The following CATSPERT variants were observed in gnomAD, a reference collection of about 807,000 sequenced individuals.
CATSPERT encodes the protein catsper channel auxiliary subunit tau, also known as cation channel sperm-associated targeting subunit tau.
At chr2:201,579,189 GTAAA>G in the CATSPERT span, among the ~76,000 whole-genome samples, 2 of 151,926 alleles carry the variant, frequency 1.3e-5, no homozygotes, top group African/African-American at 4.8e-5. Context: ...CTAATATTCA[GTAAA>G]TATTTATTAA....
the CATSPERT span, among the ~76,000 whole-genome samples, chr2:201,567,593 G>A: frequency 0.41 from 62,348 of 152,010 alleles, 13,408 homozygotes; most frequent in East Asian, 0.75. Context: ...CAGAAGAGCT[G>A]ATGTTTCAGT....
At chr2:201,510,354 G>T in the CATSPERT span, among the ~76,000 whole-genome samples, 1 of 152,296 alleles carries the variant, frequency 6.6e-6, no homozygotes, top group East Asian at 1.9e-4. Flanking sequence ...TGAGGCACGA[G>T]AATTGCCTGA....
chr2:201,536,007 C>T, the CATSPERT span: 2 of 1,612,450 alleles, frequency 1.2e-6, no homozygotes, highest in African/African-American at 1.3e-5. Flanking sequence ...TATACAGATA[C>T]TCCTCAAATT....
the CATSPERT span, among the ~76,000 whole-genome samples, chr2:201,594,003 G>C: frequency 6.6e-6 from 1 of 151,986 alleles, no homozygotes; most frequent in African/African-American, 2.4e-5. Context: ...TGTTATGTGT[G>C]AATTTGATCC....
the CATSPERT span, chr2:201,550,708 A>G: frequency 6.6e-6 from 1 of 152,062 alleles, no homozygotes; most frequent in Non-Finnish European, 1.5e-5. Flanking sequence ...AAAACAACAA[A>G]CTTGATTTCT....
At chr2:201,501,512 C>A in the CATSPERT span, among the ~76,000 whole-genome samples, 1 of 149,962 alleles carries the variant, frequency 6.7e-6, no homozygotes, top group Non-Finnish European at 1.5e-5. Context: ...CAAACTAAAC[C>A]TAAAGTTAAA....
At chr2:201,618,456 A>G in the CATSPERT span, among the ~76,000 whole-genome samples, 245 of 151,678 alleles carry the variant, frequency 1.6e-3, 1 homozygote, top group African/African-American at 5.5e-3. Context: ...AAACTATCGC[A>G]AGGACAGAAA....
chr2:201,562,584 A>G, the CATSPERT span, among the ~76,000 whole-genome samples: 5 of 148,314 alleles, frequency 3.4e-5, no homozygotes, highest in Admixed American at 3.4e-4. Context: ...GCAGGGTCAT[A>G]GGACAATAGT....
chr2:201,564,624 G>A, the CATSPERT span, among the ~76,000 whole-genome samples: 1 of 152,074 alleles, frequency 6.6e-6, no homozygotes, highest in African/African-American at 2.4e-5. Context: ...GGTCATGAGG[G>A]TAGAGCCCTC....
the CATSPERT span, chr2:201,565,932 G>A: frequency 5.5e-6 from 8 of 1,445,244 alleles, no homozygotes; most frequent in Non-Finnish European, 7.5e-6. Flanking sequence ...TCCAAAATCA[G>A]TGGCAGCTAT....
chr2:201,582,322 G>T, the CATSPERT span: 1 of 1,105,634 alleles, frequency 9.0e-7, no homozygotes. Flanking sequence ...ATATTATTAT[G>T]CAAATACTAT....
chr2:201,590,138 C>T, the CATSPERT span, among the ~76,000 whole-genome samples: 2 of 151,642 alleles, frequency 1.3e-5, no homozygotes, highest in Non-Finnish European at 2.9e-5. Flanking sequence ...CTCCCTCCTC[C>T]CCCCACCCCA....
At chr2:201,586,949 C>T in the CATSPERT span, among the ~76,000 whole-genome samples, 1 of 151,800 alleles carries the variant, frequency 6.6e-6, no homozygotes, top group Admixed American at 6.6e-5. Context: ...ACTCATCTTC[C>T]TCCCTCCTTC....
the CATSPERT span, among the ~76,000 whole-genome samples, chr2:201,591,168 G>A: frequency 1.3e-5 from 2 of 152,116 alleles, no homozygotes; most frequent in Non-Finnish European, 2.9e-5. Flanking sequence ...TGTATAAGGT[G>A]TAAGGAAGGG....
the CATSPERT span, chr2:201,487,567 C>T: frequency 1.3e-6 from 2 of 1,534,354 alleles, no homozygotes; most frequent in Non-Finnish European, 1.8e-6. Context: ...ACATATCATT[C>T]TGAGTTAAAC....
chr2:201,590,522 A>G, the CATSPERT span, among the ~76,000 whole-genome samples: 22 of 151,974 alleles, frequency 1.4e-4, no homozygotes, highest in East Asian at 4.3e-3. Flanking sequence ...GGCTGGGTCA[A>G]ATGGTATTTC....
chr2:201,602,923 G>C, the CATSPERT span, among the ~76,000 whole-genome samples: 1 of 152,170 alleles, frequency 6.6e-6, no homozygotes, highest in Non-Finnish European at 1.5e-5. Context: ...TAGGGAAAGA[G>C]AGAGAGATCC....
the CATSPERT span, chr2:201,536,426 C>T: frequency 2.3e-5 from 30 of 1,308,604 alleles, no homozygotes; most frequent in Non-Finnish European, 2.8e-5. Context: ...TATCCTTTAG[C>T]ATAACAAATT....
At chr2:201,612,581 GAA>G in the CATSPERT span, among the ~76,000 whole-genome samples, 2 of 111,246 alleles carry the variant, frequency 1.8e-5, no homozygotes, top group East Asian at 2.6e-4. Context: ...CTCCATCTTG[GAA>G]AAAAAAAAAA....
Sources: gnomAD v4.1 joint callset for allele counts (sites outside exome capture counted in the v4.1 genomes callset) on GRCh38, gnomAD v4.1.1 for gene constraint, MANE v1.5 for transcripts, NCBI Gene and HGNC (gene_info 2026-07-23, HGNC 2026-07-21) for gene names.